ZNF420: variants seen among roughly 807,000 people sequenced by gnomAD.
ZNF420 encodes ATM and p53-associated KZNF protein.
Under a neutral mutation model 44.7 loss-of-function variants are expected in ZNF420, and 31 were observed. The observed-to-expected ratio is 0.69, with a 90% confidence interval of 0.52 to 0.94. The LOEUF (loss-of-function observed/expected upper bound fraction) is 0.94. Ranked by LOEUF, ZNF420 falls within the 40% of genes least tolerant of loss-of-function variation. The pLI, the probability that ZNF420 is intolerant of heterozygous loss-of-function variation, is 0.00. For synonymous variants in ZNF420, 245 were observed against 267.4 expected (o/e 0.92, Z 0.82); for missense variants, 681 against 827.9 (o/e 0.82, Z 2.18).
intron 1 of ZNF420, among the ~76,000 whole-genome samples, chr19:37,046,166 C>G (rs1392960749): frequency 6.6e-6 from 1 of 152,156 alleles, no homozygotes; most frequent in Non-Finnish European, 1.5e-5. Flanking sequence ...ACAGCCAAAC[C>G]ATATCACCAA....
chr19:37,021,522 A>T (rs545821504), intron 1 of ZNF420, among the ~76,000 whole-genome samples: 19 of 152,218 alleles, frequency 1.2e-4, no homozygotes, highest in Non-Finnish European at 1.8e-4. Context: ...CTGCCTCAGC[A>T]TCCCAAAGTG....
At chr19:37,098,455 A>G (rs572379244) in intron 4 of ZNF420, among the ~76,000 whole-genome samples, 2 of 152,266 alleles carry the variant, frequency 1.3e-5, no homozygotes, top group African/African-American at 4.8e-5. Context: ...ATCAGTTATT[A>G]TATCTTCATG....
In ZNF420 at chr19:37,034,768, C is replaced by T. The variant is rs145630143; in HGVS notation, c.-125+26686C>T. 3.2e-3 allele frequency among the ~76,000 whole-genome samples: 492 copies of T among 152,268 alleles called. 4 individuals are homozygous for T. The highest frequency in any genetic ancestry group is 0.011 in the African/African-American group (464 of 41,540). ...TGCCAGCAGTTCTCTACCAATCCATCCTAGAAGCTTTCTTTTAGGATTGCC... is the reference window on the plus strand; with the variant it reads ...TGCCAGCAGTTCTCTACCAATCCATTCTAGAAGCTTTCTTTTAGGATTGCC... On this transcript the variant is annotated intron_variant, in intron 1 of 4. Coordinates refer to the ZNF420 transcript ENST00000587029.
At chr19:37,030,009 C>A (rs1967228114) in intron 1 of ZNF420, among the ~76,000 whole-genome samples, 1 of 152,106 alleles carries the variant, frequency 6.6e-6, no homozygotes, top group Admixed American at 6.6e-5. Flanking sequence ...ATATACAGTA[C>A]AATTTTATTA....
At chr19:37,033,280 C>T (rs1343248423) in intron 1 of ZNF420, among the ~76,000 whole-genome samples, 1 of 152,132 alleles carries the variant, frequency 6.6e-6, no homozygotes, top group Admixed American at 6.5e-5. Context: ...ATTGTACAAC[C>T]GTCACACTTT....
intron 4 of ZNF420, among the ~76,000 whole-genome samples, chr19:37,119,600 A>T (rs1970907405): frequency 6.6e-6 from 1 of 152,170 alleles, no homozygotes; most frequent in Non-Finnish European, 1.5e-5. Context: ...AAGCTAGCAG[A>T]AGGCAAGAAA....
chr19:37,087,287 AAAAAAATAAATAAAT>A (rs60612493), intron 2 of ZNF420, among the ~76,000 whole-genome samples: 3,882 of 119,002 alleles, frequency 0.033, 163 homozygotes, highest in African/African-American at 0.092. Context: ...TGTCTCAAAA[AAAAAAATAAATAAAT>A]AAATAAATAA....
At chr19:37,121,181 A>G (rs1366542636) in intron 4 of ZNF420, among the ~76,000 whole-genome samples, 1 of 146,930 alleles carries the variant, frequency 6.8e-6, no homozygotes, top group Non-Finnish European at 1.5e-5. Context: ...ATCCTAAGCC[A>G]AAAGAACAAA....
At chr19:37,069,000 C>T (rs577222770) in intron 1 of ZNF420, among the ~76,000 whole-genome samples, 8 of 146,062 alleles carry the variant, frequency 5.5e-5, no homozygotes, top group Non-Finnish European at 8.8e-5. Flanking sequence ...ACAGATATGG[C>T]GAGATATTAT....
At chr19:37,043,991 C>T (rs529486018) in intron 1 of ZNF420, among the ~76,000 whole-genome samples, 5 of 152,318 alleles carry the variant, frequency 3.3e-5, no homozygotes, top group South Asian at 2.1e-4. Context: ...CATTGGACTG[C>T]GGACTGCACA....
intron 3 of ZNF420, among the ~76,000 whole-genome samples, chr19:37,089,814 C>A (rs1969033436): frequency 6.6e-6 from 1 of 152,082 alleles, no homozygotes. Context: ...GAAATACTTA[C>A]AAGATTTTTA....
chr19:37,048,616 C>T (rs1037537598), intron 1 of ZNF420, among the ~76,000 whole-genome samples: 3 of 152,170 alleles, frequency 2.0e-5, no homozygotes, highest in Non-Finnish European at 2.9e-5. Context: ...ATGCTATCAT[C>T]ACCAGCATCA....
intron 2 of ZNF420, among the ~76,000 whole-genome samples, chr19:37,088,471 A>C (rs543296055): frequency 3.9e-4 from 60 of 152,074 alleles, no homozygotes; most frequent in Non-Finnish European, 5.0e-4. Context: ...AAAAAGTTAT[A>C]GTATTGATGG....
At chr19:37,094,920 C>G (rs751594300) in intron 4 of ZNF420, among the ~76,000 whole-genome samples, 6 of 152,070 alleles carry the variant, frequency 3.9e-5, no homozygotes, top group Non-Finnish European at 7.4e-5. Context: ...ATCACGAGGT[C>G]AAGAGATCAA....
chr19:37,059,210 G>C (rs992833440), intron 1 of ZNF420, among the ~76,000 whole-genome samples: 1 of 152,184 alleles, frequency 6.6e-6, no homozygotes, highest in African/African-American at 2.4e-5. Context: ...GGACGCCCGC[G>C]GCCCCCTCTC....
intron 1 of ZNF420, among the ~76,000 whole-genome samples, chr19:37,063,555 C>T (rs544465926): frequency 2.6e-3 from 394 of 151,548 alleles, no homozygotes; most frequent in Non-Finnish European, 4.7e-3. Context: ...CCCCCTCCCC[C>T]GCCTACCCCC....
intron 1 of ZNF420, among the ~76,000 whole-genome samples, chr19:37,067,111 G>C (rs1967980465): frequency 6.6e-6 from 1 of 152,164 alleles, no homozygotes; most frequent in African/African-American, 2.4e-5. Flanking sequence ...TCTACAATGG[G>C]AAAATATCAG....
chr19:37,024,837 C>T (rs1378153035), intron 1 of ZNF420: 1 of 152,900 alleles, frequency 6.5e-6, no homozygotes, highest in South Asian at 2.1e-4. Context: ...TGCCTTTGGC[C>T]TTGCAAAGTG....
chr19:37,092,874 T>A (rs1969233024), intron 4 of ZNF420: 1 of 152,142 alleles, frequency 6.6e-6, no homozygotes, highest in South Asian at 2.1e-4. Flanking sequence ...AACCCAAATG[T>A]CCATCAACTA....
Sources: allele counts gnomAD v4.1 joint callset (sites outside exome capture counted in the v4.1 genomes callset), GRCh38; gene constraint gnomAD v4.1.1; transcripts MANE v1.5; gene names NCBI Gene and HGNC (gene_info 2026-07-23, HGNC 2026-07-21).